FOXN3: variants seen among roughly 807,000 people sequenced by gnomAD.
FOXN3 encodes the protein forkhead box N3, also known as forkhead box protein N3.
A neutral mutation model predicts 38.4 loss-of-function variants in FOXN3; 7 were observed. The ratio of observed to expected loss-of-function variants is 0.18; its 90% CI spans 0.10 to 0.34. The LOEUF (loss-of-function observed/expected upper bound fraction) is 0.34. FOXN3 is among the 10% of genes least tolerant of loss of function. The probability of loss-of-function intolerance (pLI) is 1.00; values close to 1 mark genes in which losing one functional copy is unlikely to be tolerated. For synonymous variants in FOXN3, 230 were observed against 242.2 expected, an observed-to-expected ratio of 0.95 and a Z score of 0.47; for missense variants, 456 against 613.4, an observed-to-expected ratio of 0.74 and a Z score of 2.71.
intron 1 of FOXN3, among the ~76,000 whole-genome samples, chr14:89,493,710 A>T (rs1893625740): frequency 6.6e-6 from 1 of 152,196 alleles, no homozygotes; most frequent in Non-Finnish European, 1.5e-5. Context: ...ATTCTGATAT[A>T]AAAGCAATTT....
At chr14:89,618,997 G>A (rs1437321465) in intron 1 of FOXN3, 1 of 152,474 alleles carries the variant, frequency 6.6e-6, no homozygotes, top group Non-Finnish European at 1.5e-5. Flanking sequence ...GAGCAGATTA[G>A]GAGGCAGGAA....
intron 1 of FOXN3, among the ~76,000 whole-genome samples, chr14:89,557,140 C>T (rs1339491174): frequency 6.6e-6 from 1 of 152,170 alleles, no homozygotes; most frequent in Admixed American, 6.5e-5. Flanking sequence ...GTCCTCAAGG[C>T]CAGTATGGCC....
At chr14:89,359,104 T>C (rs1435626623) in intron 2 of FOXN3, among the ~76,000 whole-genome samples, 2 of 152,086 alleles carry the variant, frequency 1.3e-5, no homozygotes, top group Admixed American at 6.5e-5. Context: ...GAGACCAGCC[T>C]AGTCAACATG....
At chr14:89,324,818 A>T (rs1437486071) in intron 3 of FOXN3, among the ~76,000 whole-genome samples, 1 of 152,142 alleles carries the variant, frequency 6.6e-6, no homozygotes, top group Non-Finnish European at 1.5e-5. Context: ...GAGAGGTTTC[A>T]AGGCTGGCCC....
intron 5 of FOXN3, among the ~76,000 whole-genome samples, chr14:89,173,922 G>A (rs1448471772): frequency 6.6e-6 from 1 of 152,170 alleles, no homozygotes; most frequent in East Asian, 1.9e-4. Context: ...GAGCCCGGGA[G>A]GATGAGGCTG....
chr14:89,425,157 C>T (rs1176235934), intron 1 of FOXN3, among the ~76,000 whole-genome samples: 4 of 150,718 alleles, frequency 2.7e-5, no homozygotes, highest in African/African-American at 4.9e-5. Flanking sequence ...CTCTGCCTCC[C>T]GGGTCCTGGT....
At chr14:89,599,275 G>A (rs1047111093) in intron 1 of FOXN3, among the ~76,000 whole-genome samples, 1 of 152,000 alleles carries the variant, frequency 6.6e-6, no homozygotes, top group Non-Finnish European at 1.5e-5. Context: ...CACATTCAAT[G>A]GTTTTAGTCA....
intron 1 of FOXN3, among the ~76,000 whole-genome samples, chr14:89,530,236 C>A (rs1052746041): frequency 1.3e-5 from 2 of 152,144 alleles, no homozygotes; most frequent in Non-Finnish European, 2.9e-5. Context: ...CTGCACCTGG[C>A]CTTGAGACCA....
intron 5 of FOXN3, among the ~76,000 whole-genome samples, chr14:89,166,250 C>G (rs1345159941): frequency 6.6e-6 from 1 of 152,126 alleles, no homozygotes; most frequent in African/African-American, 2.4e-5. Flanking sequence ...CTCTTTCTTT[C>G]TTAAACAGGG....
Position 89,576,450 on chromosome 14 carries a change from T to A in FOXN3, c.-15+42578A>T, listed in dbSNP as rs369409911. On this transcript the variant is annotated intron_variant, in intron 1 of 6. Coordinates refer to the FOXN3 transcript ENST00000345097. ...TGGGACCTTTGAGCCCAAATGTATATATAATTATATAACACTCAGACAAGG... is the reference window on the plus strand; with the variant it reads ...TGGGACCTTTGAGCCCAAATGTATAAATAATTATATAACACTCAGACAAGG... 1.2e-4 allele frequency: 18 copies of A among 151,400 alleles called. No homozygotes were observed. The East Asian group carries it at 1.9e-3, about 16-fold the overall frequency. The allele number at this position is 151,400 out of a possible 1,614,324, so 9.4% of individuals were successfully genotyped here. A position where few individuals can be genotyped will look rare whatever the true frequency, so the allele number is the denominator to read the frequency against.
At position 89,165,256 on chromosome 14, in the gene FOXN3, G is replaced by T. The variant is rs114078383; in HGVS notation, c.852-2287C>A. 1.2e-3 allele frequency among the ~76,000 whole-genome samples: 189 copies of T among 152,250 alleles called. 1 individual carries two copies. The highest frequency in any genetic ancestry group is 4.3e-3 in the African/African-American group (177 of 41,544). ...TGCTCATATCCCAGTGTTGCTTACT[G>T]GTGACTTTGAGCAGGCTGTTTTACT... On this transcript the variant is annotated intron_variant, in intron 5 of 5. Transcript: ENST00000557258.
chr14:89,530,218 G>A (rs528721845), intron 1 of FOXN3, among the ~76,000 whole-genome samples: 6 of 152,220 alleles, frequency 3.9e-5, no homozygotes, highest in South Asian at 2.1e-4. Flanking sequence ...GATTACAGGC[G>A]TGAGCCACTG....
chr14:89,232,636 C>T (rs563220146), intron 4 of FOXN3, among the ~76,000 whole-genome samples: 1 of 152,224 alleles, frequency 6.6e-6, no homozygotes, highest in Non-Finnish European at 1.5e-5. Context: ...CCCACTTACT[C>T]ACCATCGACA....
At chr14:89,301,228 T>C (rs1325805697) in intron 3 of FOXN3, among the ~76,000 whole-genome samples, 1 of 151,974 alleles carries the variant, frequency 6.6e-6, no homozygotes, top group African/African-American at 2.4e-5. Context: ...CCTACCATTT[T>C]GGGAGACTGA....
At chr14:89,455,553 C>T (rs568449979) in intron 1 of FOXN3, among the ~76,000 whole-genome samples, 8 of 152,280 alleles carry the variant, frequency 5.3e-5, no homozygotes, top group Admixed American at 3.3e-4. Context: ...ACTGGAGTAA[C>T]GCCGAGGGCG....
rs542017030 is a variant in FOXN3, at chr14:89,451,768, G to A, written c.-14-39278C>T. Among the ~76,000 whole-genome samples, 100 of 152,246 alleles carry A rather than the reference G, an allele frequency of 6.6e-4. 1 individual carries two copies. Among genetic ancestry groups the A allele is most frequent in the East Asian group, 3.9e-3 (20 of 5,180 alleles). Reference sequence around the variant, plus strand: ...TCCATTTGAAAATTGTTGAAGTCTTGTGTGTATATATACTATATGGTTTCC... The same window carrying A: ...TCCATTTGAAAATTGTTGAAGTCTTATGTGTATATATACTATATGGTTTCC... On this transcript the variant is annotated intron_variant, in intron 1 of 6. Coordinates refer to the FOXN3 transcript ENST00000345097.
intron 1 of FOXN3, among the ~76,000 whole-genome samples, chr14:89,439,341 G>C (rs1892331613): frequency 6.6e-6 from 1 of 152,196 alleles, no homozygotes; most frequent in South Asian, 2.1e-4. Context: ...AGGATGAAAT[G>C]AGAGGTCAGC....
chr14:89,241,665 A>T lies in FOXN3; in HGVS notation c.745+39285T>A, dbSNP rs115950197. ...TTCCTTTTCTCCCACTAGGCAACAG[A>T]CAGTTGATTATAAATAGTTTTTTGG... On this transcript the variant is annotated intron_variant, in intron 4 of 5. Coordinates refer to ENST00000557258, the MANE Select transcript of FOXN3 (RefSeq NM_005197.4). Among the ~76,000 whole-genome samples the T allele has an allele frequency of 5.8e-3, 885 of 152,268 alleles. 11 individuals carry two copies. The highest frequency in any genetic ancestry group is 0.02 in the African/African-American group (842 of 41,548).
At chr14:89,214,784 C>T (rs1884218239) in intron 4 of FOXN3, among the ~76,000 whole-genome samples, 1 of 152,224 alleles carries the variant, frequency 6.6e-6, no homozygotes, top group South Asian at 2.1e-4. Context: ...ATGTGAATGC[C>T]TTCTATCTAA....
Sources: allele counts gnomAD v4.1 joint callset (sites outside exome capture counted in the v4.1 genomes callset), GRCh38; gene constraint gnomAD v4.1.1; transcripts MANE v1.5; gene names NCBI Gene and HGNC (gene_info 2026-07-23, HGNC 2026-07-21).